DYM: variants seen among roughly 807,000 people sequenced by gnomAD.
DYM encodes the protein dymeclin, also known as dyggve-Melchior-Clausen syndrome protein.
In DYM, 78 loss-of-function variants were observed where a neutral mutation model predicts 93.1. The ratio of observed to expected loss-of-function variants is 0.84; its 90% CI spans 0.70 to 1.01. DYM has a LOEUF of 1.01. Ranked by LOEUF, DYM falls within the 50% of genes least tolerant of loss-of-function variation. The probability of loss-of-function intolerance (pLI) is 0.00; values close to 1 mark genes in which losing one functional copy is unlikely to be tolerated. For missense variants in DYM, 789 were observed against 845.0 expected, an observed-to-expected ratio of 0.93 and a Z score of 0.82; for synonymous variants, 321 against 319.7, an observed-to-expected ratio of 1.00 and a Z score of -0.04.
intron 14 of DYM, among the ~76,000 whole-genome samples, chr18:49,187,114 T>C (rs938242966): frequency 1.3e-5 from 2 of 151,460 alleles, no homozygotes; most frequent in South Asian, 4.2e-4. Flanking sequence ...AGAGGCGGGG[T>C]TTCACTGTGT....
chr18:49,128,272 C>G (rs750589951), intron 15 of DYM, among the ~76,000 whole-genome samples: 1 of 152,154 alleles, frequency 6.6e-6, no homozygotes, highest in African/African-American at 2.4e-5. Context: ...TTCCTCAGGC[C>G]CACTGCCAGC....
chr18:49,126,772 G>A (rs140242064), intron 15 of DYM, among the ~76,000 whole-genome samples: 2,317 of 152,060 alleles, frequency 0.015, 69 homozygotes, highest in Admixed American at 0.064. Flanking sequence ...ACATATTTTC[G>A]AAGTATTTTG....
intron 15 of DYM, among the ~76,000 whole-genome samples, chr18:49,137,313 A>G (rs1272294122): frequency 6.6e-6 from 1 of 152,236 alleles, no homozygotes; most frequent in Non-Finnish European, 1.5e-5. Flanking sequence ...TCCTGGTGAC[A>G]TGGAAAGAAT....
intron 15 of DYM, among the ~76,000 whole-genome samples, chr18:49,156,159 T>C (rs2086394810): frequency 1.3e-5 from 2 of 152,354 alleles, no homozygotes; most frequent in East Asian, 1.9e-4. Flanking sequence ...TGAGTATATT[T>C]TGATGTGCTA....
intron 14 of DYM, among the ~76,000 whole-genome samples, chr18:49,205,347 T>G (rs979857428): frequency 2.6e-5 from 4 of 152,180 alleles, no homozygotes; most frequent in Admixed American, 6.5e-5. Context: ...GAGAAATGTG[T>G]TTTTGTGTGA....
intron 15 of DYM, among the ~76,000 whole-genome samples, chr18:49,142,067 T>C (rs2084568999): frequency 6.6e-6 from 1 of 151,752 alleles, no homozygotes; most frequent in Non-Finnish European, 1.5e-5. Flanking sequence ...TTCACCATGT[T>C]TGCCAGGATG....
intron 13 of DYM, among the ~76,000 whole-genome samples, chr18:49,248,462 T>C (rs918643346): frequency 2.0e-5 from 3 of 152,204 alleles, no homozygotes; most frequent in African/African-American, 7.2e-5. Context: ...GAAGTAGGTA[T>C]GATATCTCAT....
intron 14 of DYM, among the ~76,000 whole-genome samples, chr18:49,209,042 T>A (rs1228089864): frequency 6.6e-6 from 1 of 152,228 alleles, no homozygotes; most frequent in African/African-American, 2.4e-5. Context: ...TTATAGCCAC[T>A]CTGTATGTAA....
At chr18:49,436,925 C>T (rs1273561920) in intron 1 of DYM, among the ~76,000 whole-genome samples, 6 of 152,136 alleles carry the variant, frequency 3.9e-5, no homozygotes, top group African/African-American at 1.4e-4. Context: ...CAATTTTACT[C>T]TAGGAGTTTA....
At chr18:49,265,021 C>T (rs531712711) in intron 11 of DYM, among the ~76,000 whole-genome samples, 23 of 152,220 alleles carry the variant, frequency 1.5e-4, no homozygotes, top group Non-Finnish European at 2.5e-4. Flanking sequence ...TCATTAAATG[C>T]TTACCAAATT....
intron 8 of DYM, among the ~76,000 whole-genome samples, chr18:49,300,074 TATATATATATAA>T (rs551237842): frequency 0.022 from 3,113 of 139,324 alleles, 82 homozygotes; most frequent in Admixed American, 0.065. Context: ...TATATAAATA[TATATATATATAA>T]ATATATATAT....
intron 16 of DYM, among the ~76,000 whole-genome samples, chr18:49,115,469 T>TA (rs2081846933): frequency 6.6e-6 from 1 of 152,216 alleles, no homozygotes; most frequent in Non-Finnish European, 1.5e-5. Context: ...TGACTATCTT[T>TA]AAACATTTTT....
chr18:49,092,057 G>A (rs887337918), intron 17 of DYM, among the ~76,000 whole-genome samples: 1 of 152,136 alleles, frequency 6.6e-6, no homozygotes, highest in Admixed American at 6.5e-5. Flanking sequence ...GGTAAGTACT[G>A]TTTTATCAAA....
At chr18:49,155,479 C>G (rs891324940) in intron 15 of DYM, among the ~76,000 whole-genome samples, 1 of 152,166 alleles carries the variant, frequency 6.6e-6, no homozygotes. Flanking sequence ...ATCACCACAG[C>G]CTAATTTTGA....
intron 17 of DYM, among the ~76,000 whole-genome samples, chr18:49,069,844 C>T (rs1363688629): frequency 2.6e-5 from 4 of 152,202 alleles, no homozygotes; most frequent in South Asian, 2.1e-4. Context: ...AGTTTGAGAC[C>T]GGCCTGACCA....
At chr18:49,441,256 A>G (rs1486694990) in intron 1 of DYM, among the ~76,000 whole-genome samples, 16 of 35,634 alleles carry the variant, frequency 4.5e-4, no homozygotes, top group Non-Finnish European at 6.2e-4. Context: ...ATATTGTTAT[A>G]TATAATTATA....
At chr18:49,355,853 G>C (rs1000783848) in intron 6 of DYM, among the ~76,000 whole-genome samples, 2 of 151,984 alleles carry the variant, frequency 1.3e-5, no homozygotes, top group African/African-American at 4.8e-5. Flanking sequence ...ATATTATTTA[G>C]AAATATAAAA....
intron 14 of DYM, among the ~76,000 whole-genome samples, chr18:49,172,390 T>G (rs2088861031): frequency 6.6e-6 from 1 of 152,236 alleles, no homozygotes; most frequent in Non-Finnish European, 1.5e-5. Flanking sequence ...GTATGTTATT[T>G]GTTTCACTCT....
chr18:49,210,385 A>T (rs1003504299), intron 13 of DYM, among the ~76,000 whole-genome samples: 8 of 152,240 alleles, frequency 5.3e-5, no homozygotes, highest in African/African-American at 1.9e-4. Flanking sequence ...GGCTAAAAAA[A>T]TGAGCTATGA....
Sources: gnomAD v4.1 joint callset for allele counts (sites outside exome capture counted in the v4.1 genomes callset) on GRCh38, gnomAD v4.1.1 for gene constraint, MANE v1.5 for transcripts, NCBI Gene and HGNC (gene_info 2026-07-23, HGNC 2026-07-21) for gene names.